Variants in CNTN5 observed in about 807,000 individuals in gnomAD.
CNTN5 encodes the protein contactin-5.
Under a neutral mutation model 129.1 loss-of-function variants are expected in CNTN5, and 77 were observed. That is an observed-to-expected ratio of 0.60 (90% CI 0.50 to 0.72). The LOEUF (loss-of-function observed/expected upper bound fraction) is 0.72. Among genes scored for constraint, CNTN5 ranks in the 30% least tolerant of loss-of-function variants. The pLI is 0.00. For synonymous variants in CNTN5, 509 were observed against 465.6 expected (o/e 1.09, Z -1.20); for missense variants, 1,478 against 1,328.8 (o/e 1.11, Z -1.75).
intron 13 of CNTN5, among the ~76,000 whole-genome samples, chr11:100,099,732 CAGT>C (rs1945154135): frequency 6.6e-6 from 1 of 151,876 alleles, no homozygotes; most frequent in African/African-American, 2.4e-5. Flanking sequence ...ATGTAGGCCC[CAGT>C]TGAAGAATTC....
At chr11:99,770,313 ATTC>A (rs1944901655) in intron 3 of CNTN5, among the ~76,000 whole-genome samples, 1 of 152,120 alleles carries the variant, frequency 6.6e-6, no homozygotes, top group African/African-American at 2.4e-5. Context: ...AAGAAGTCTC[ATTC>A]TTATATCTGT....
At position 100,103,418 on chromosome 11, in the gene CNTN5, G is replaced by T. The variant is rs377394743; in HGVS notation, c.1580+29124G>T. ...TTGGAGCGCATCATGTACTAATGTT[G>T]CTCTGACAACCTTGTAATGGGAATT... On this transcript the variant is annotated intron_variant, in intron 13 of 24. Transcript: ENST00000524871. Among the ~76,000 whole-genome samples, 46 of 152,194 alleles carry T rather than the reference G, an allele frequency of 3.0e-4. No individual in the cohort carries two copies. The East Asian group carries it at 4.8e-3, about 16-fold the overall frequency.
At chr11:99,564,846 G>C (rs1948952125) in intron 3 of CNTN5, among the ~76,000 whole-genome samples, 1 of 152,174 alleles carries the variant, frequency 6.6e-6, no homozygotes, top group African/African-American at 2.4e-5. Flanking sequence ...ATGGTTTTCG[G>C]CTCTTTGTAA....
rs1023292293 is a variant in CNTN5, at chr11:99,735,489, T to C, written c.56-84055T>C. Among the ~76,000 whole-genome samples the C allele has an allele frequency of 1.5e-4, 23 of 152,240 alleles. No homozygotes were observed. In the East Asian group the frequency reaches 4.2e-3, roughly 28 times the overall value. Reference sequence around the variant, plus strand: ...CCATAAGAAGATTGAACAATGAAGATTGAATTTATTGACTCACTATTTTTT... The same window carrying C: ...CCATAAGAAGATTGAACAATGAAGACTGAATTTATTGACTCACTATTTTTT... On this transcript the variant is annotated intron_variant, in intron 3 of 24. Coordinates refer to ENST00000524871, the MANE Select transcript of CNTN5 (RefSeq NM_014361.4).
At chr11:99,130,933 C>A (rs1858899970) in intron 1 of CNTN5, among the ~76,000 whole-genome samples, 1 of 152,086 alleles carries the variant, frequency 6.6e-6, no homozygotes, top group African/African-American at 2.4e-5. Flanking sequence ...GAGACATGGA[C>A]CAGAATCTCT....
chr11:99,061,781 T>C (rs1864889738), intron 1 of CNTN5, among the ~76,000 whole-genome samples: 1 of 151,916 alleles, frequency 6.6e-6, no homozygotes, highest in South Asian at 2.1e-4. Flanking sequence ...TGCTTGAAGC[T>C]AAGAGTTTGA....
At chr11:99,891,104 A>G (rs1419817309) in intron 6 of CNTN5, among the ~76,000 whole-genome samples, 2 of 152,172 alleles carry the variant, frequency 1.3e-5, no homozygotes, top group Non-Finnish European at 1.5e-5. Flanking sequence ...GAAAAAATAC[A>G]TTAGGTCAAA....
rs907245380 is a variant in CNTN5 at position 99,850,233 on chromosome 11, C to G, written c.577+4971C>G. Among the ~76,000 whole-genome samples the G allele has an allele frequency of 2.0e-5, 3 of 152,020 alleles. No individual in the cohort carries two copies. The East Asian group carries it at 5.8e-4, about 29-fold the overall frequency. ...TAACATATTTTTTCTTTTAATAAAA[C>G]CTTTTCCTCATAATTTATTTATTGA... On this transcript the variant is annotated intron_variant, in intron 6 of 24. Coordinates refer to ENST00000524871, the MANE Select transcript of CNTN5 (RefSeq NM_014361.4).
intron 3 of CNTN5, among the ~76,000 whole-genome samples, chr11:99,614,156 A>T (rs527377087): frequency 6.6e-6 from 1 of 152,220 alleles, no homozygotes. Context: ...AAATGTAGCA[A>T]CAAGCTGTAA....
At chr11:100,079,462 T>C (rs1944274339) in intron 13 of CNTN5, among the ~76,000 whole-genome samples, 1 of 152,142 alleles carries the variant, frequency 6.6e-6, no homozygotes, top group Non-Finnish European at 1.5e-5. Flanking sequence ...CTGTCGTCAT[T>C]TATTCCTGGC....
At chr11:99,406,773 G>A (rs1420012928) in intron 2 of CNTN5, among the ~76,000 whole-genome samples, 1 of 152,182 alleles carries the variant, frequency 6.6e-6, no homozygotes, top group Non-Finnish European at 1.5e-5. Context: ...ATAAGACACA[G>A]CTTTTTTCCG....
intron 8 of CNTN5, among the ~76,000 whole-genome samples, chr11:99,971,663 G>T (rs1951258751): frequency 6.6e-6 from 1 of 151,818 alleles, no homozygotes; most frequent in African/African-American, 2.4e-5. Context: ...CGTATCTAAG[G>T]TATTTCGCTA....
chr11:100,294,789 A>G (rs180963705), intron 18 of CNTN5, among the ~76,000 whole-genome samples: 1 of 151,658 alleles, frequency 6.6e-6, no homozygotes, highest in Non-Finnish European at 1.5e-5. Flanking sequence ...AGATTAAGTC[A>G]AATCCCTTCA....
At chr11:99,713,049 C>T (rs1955064190) in intron 3 of CNTN5, among the ~76,000 whole-genome samples, 1 of 152,098 alleles carries the variant, frequency 6.6e-6, no homozygotes, top group Non-Finnish European at 1.5e-5. Context: ...ATGGGGATAG[C>T]ATTGAATCTA....
intron 6 of CNTN5, among the ~76,000 whole-genome samples, chr11:99,903,593 C>T (rs1228846014): frequency 1.3e-5 from 2 of 151,944 alleles, no homozygotes; most frequent in African/African-American, 4.8e-5. Context: ...TAAGTAGAGT[C>T]TAGTGGAGGC....
intron 1 of CNTN5, among the ~76,000 whole-genome samples, chr11:99,079,837 G>C (rs189508206): frequency 6.6e-6 from 1 of 152,308 alleles, no homozygotes; most frequent in Admixed American, 6.5e-5. Context: ...CAGAGTCTCT[G>C]ACTGCCTTCA....
intron 7 of CNTN5, among the ~76,000 whole-genome samples, chr11:99,927,348 A>T (rs11221929): frequency 0.071 from 10,785 of 152,172 alleles, 436 homozygotes; most frequent in Non-Finnish European, 0.094. Flanking sequence ...TGTGAATTCA[A>T]ACCCTATGTC....
At chr11:100,080,971 G>T (rs1309387821) in intron 13 of CNTN5, among the ~76,000 whole-genome samples, 1 of 152,102 alleles carries the variant, frequency 6.6e-6, no homozygotes, top group Non-Finnish European at 1.5e-5. Context: ...AGATGCCTTA[G>T]TACTCAGGGA....
intron 13 of CNTN5, among the ~76,000 whole-genome samples, chr11:100,113,599 A>G (rs996312654): frequency 6.6e-6 from 1 of 152,118 alleles, no homozygotes; most frequent in African/African-American, 2.4e-5. Flanking sequence ...AGGGAGCACA[A>G]TGAAAGGTTT....
Sources: gnomAD v4.1 joint callset for allele counts (sites outside exome capture counted in the v4.1 genomes callset) on GRCh38, gnomAD v4.1.1 for gene constraint, MANE v1.5 for transcripts, NCBI Gene and HGNC (gene_info 2026-07-23, HGNC 2026-07-21) for gene names.